Variants in CPAMD8 observed in about 807,000 individuals in gnomAD.
The protein encoded by CPAMD8 is C3 and PZP like alpha-2-macroglobulin domain containing 8.
Under a neutral mutation model 224.7 loss-of-function variants are expected in CPAMD8, and 146 were observed. The observed-to-expected ratio is 0.65, with a 90% CI of 0.57 to 0.75. The LOEUF (loss-of-function observed/expected upper bound fraction) is 0.75, where lower values mean the gene tolerates loss of function less well. Ranked by LOEUF, CPAMD8 falls within the 30% of genes least tolerant of loss-of-function variation. The probability of loss-of-function intolerance (pLI) is 0.00; values close to 1 mark genes in which losing one functional copy is unlikely to be tolerated. For missense variants in CPAMD8, 2,301 were observed against 2,537.5 expected, an observed-to-expected ratio of 0.91 and a Z score of 2.00; for synonymous variants, 966 against 1,044.6, an observed-to-expected ratio of 0.92 and a Z score of 1.45.
chr19:16,914,216 A>G (rs895941321), intron 29 of CPAMD8, among the ~76,000 whole-genome samples: 2 of 152,014 alleles, frequency 1.3e-5, no homozygotes, highest in Non-Finnish European at 2.9e-5. Context: ...ATTTCCCCCT[A>G]GTAGCATGGG....
intron 18 of CPAMD8, 40 bp from the exon 19 acceptor site, chr19:16,957,955 C>T: frequency 6.4e-7 from 1 of 1,572,846 alleles, no homozygotes; most frequent in Non-Finnish European, 8.7e-7. Flanking sequence ...GTTTCATGAA[C>T]ATAACAAATC....
chr19:16,968,486 A>G (rs2054935824), intron 18 of CPAMD8, among the ~76,000 whole-genome samples: 1 of 152,184 alleles, frequency 6.6e-6, no homozygotes, highest in Non-Finnish European at 1.5e-5. Context: ...TGGACAGGTC[A>G]TACATCAAAA....
At chr19:16,897,218 C>T (rs1384895843) in intron 39 of CPAMD8, 3 of 140,882 alleles carry the variant, frequency 2.1e-5, no homozygotes, top group South Asian at 3.8e-4. Context: ...CAGCACTAAC[C>T]ACATCCACTC....
At chr19:17,004,239 T>C in intron 8 of CPAMD8, 34 bp downstream of exon 8, 2 of 1,444,900 alleles carry the variant, frequency 1.4e-6, no homozygotes, top group Non-Finnish European at 1.9e-6. Flanking sequence ...CTCCCAGATC[T>C]GAAATCCCAA....
At chr19:16,938,331 G>A in intron 23 of CPAMD8, 64 bp downstream of exon 23, 1 of 843,064 alleles carries the variant, frequency 1.2e-6, no homozygotes, top group South Asian at 1.8e-5. Context: ...GGGAAAGGGG[G>A]AAGGCCAAAG....
intron 30 of CPAMD8, among the ~76,000 whole-genome samples, chr19:16,905,624 T>TAAAG (rs1216294997): frequency 6.9e-6 from 1 of 143,940 alleles, no homozygotes; most frequent in African/African-American, 2.6e-5. Context: ...GCATGAGGTG[T>TAAAG]AAAGACTCTC....
rs776485320 is a variant in CPAMD8 at position 17,011,573 on chromosome 19, A to C, written c.433+19T>G. The C allele has an allele frequency of 1.3e-5, 21 of 1,614,198 alleles. No individual in the cohort carries two copies. Among genetic ancestry groups the C allele is most frequent in the Non-Finnish European group, 1.7e-5 (20 of 1,180,040 alleles). ...CCAGACCATGGCCGGCCCTCCCTGC[A>C]TCCATGCTGGCCACTCACCTCGGTG... On this transcript the variant is annotated intron_variant, in intron 4 of 41. Transcript: ENST00000443236.
intron 3 of CPAMD8, among the ~76,000 whole-genome samples, chr19:17,018,401 T>C (rs2056865760): frequency 6.6e-6 from 1 of 152,184 alleles, no homozygotes; most frequent in African/African-American, 2.4e-5. Flanking sequence ...CCTAATGTAC[T>C]GCAGGTGGTT....
intron 12 of CPAMD8, among the ~76,000 whole-genome samples, chr19:16,991,855 A>G (rs1314618392): frequency 2.4e-5 from 1 of 41,566 alleles, no homozygotes; most frequent in Non-Finnish European, 5.6e-5. Flanking sequence ...ACTCTGTATC[A>G]AAAAAAAAAA....
chr19:16,941,474 G>A (rs192700340), intron 22 of CPAMD8, among the ~76,000 whole-genome samples: 1 of 152,282 alleles, frequency 6.6e-6, no homozygotes, highest in East Asian at 1.9e-4. Flanking sequence ...ATGTCCCGTG[G>A]GCAAATCCAT....
rs775471987 is a variant in CPAMD8, at chr19:16,897,869, G to A, written c.4954+20C>T. The A allele has an allele frequency of 6.3e-7, 1 of 1,594,364 alleles. No individual in the cohort carries two copies. Among genetic ancestry groups the A allele is most frequent in the South Asian group, 1.1e-5 (1 of 88,950 alleles). On this transcript the variant is annotated intron_variant, in intron 38 of 41. Transcript: ENST00000443236. ...GGTCAGGGACCGGGCCGGGCCGGGG[G>A]TGCGGGCGCGCGGGCCTACCGGGTT... is the stretch of plus-strand genomic sequence containing the variant.
chr19:16,914,519 C>T lies in CPAMD8; in HGVS notation c.3787-21G>A, dbSNP rs139249715. ...CCACCCTGCAAGGGGACTCACAGGCCTCACCCTAAGCCAAAGGAGACAGTC... is the reference window on the plus strand; with the variant it reads ...CCACCCTGCAAGGGGACTCACAGGCTTCACCCTAAGCCAAAGGAGACAGTC... On this transcript the variant is annotated intron_variant, in intron 28 of 41. Coordinates refer to ENST00000443236, the MANE Select transcript of CPAMD8 (RefSeq NM_015692.5). 4.3e-6 allele frequency: 7 copies of T among 1,613,390 alleles called. No individual in the cohort carries two copies. In the Admixed American group the frequency reaches 8.3e-5, roughly 19 times the overall value.
intron 12 of CPAMD8, among the ~76,000 whole-genome samples, chr19:16,991,010 T>TATC (rs1256967742): frequency 6.6e-6 from 1 of 151,878 alleles, no homozygotes; most frequent in East Asian, 1.9e-4. Flanking sequence ...AGCCACAGGT[T>TATC]ATCAGCCCAT....
intron 26 of CPAMD8, 100 bp from the exon 27 acceptor site, chr19:16,922,086 C>T (rs548709047): frequency 5.3e-5 from 39 of 731,044 alleles, no homozygotes; most frequent in African/African-American, 2.7e-4. Context: ...CCCGGATCTC[C>T]GAAGCCACAC....
intron 27 of CPAMD8, among the ~76,000 whole-genome samples, chr19:16,916,426 A>AT (rs2052961941): frequency 6.6e-6 from 1 of 151,856 alleles, no homozygotes; most frequent in Non-Finnish European, 1.5e-5. Context: ...ATATTTTTGT[A>AT]TTTTTAGTAG....
intron 21 of CPAMD8, among the ~76,000 whole-genome samples, chr19:16,945,989 A>T (rs12977111): frequency 0.94 from 142,937 of 151,982 alleles, 67,284 homozygotes; most frequent in African/African-American, 0.99. Context: ...GTGTACAAAT[A>T]TGTGTGTGCA....
intron 22 of CPAMD8, among the ~76,000 whole-genome samples, chr19:16,943,951 G>T (rs570887654): frequency 1.3e-5 from 2 of 152,118 alleles, no homozygotes; most frequent in Non-Finnish European, 2.9e-5. Flanking sequence ...TGAAATTCAC[G>T]TGGAGATGAT....
intron 22 of CPAMD8, 109 bp from the exon 23 acceptor site, chr19:16,938,555 A>G: frequency 1.6e-6 from 1 of 642,226 alleles, no homozygotes; most frequent in African/African-American, 1.9e-5. Flanking sequence ...CAGACCACAT[A>G]ATTGTGCTTC....
chr19:16,894,637 A>G, intron 41 of CPAMD8: 1 of 368,260 alleles, frequency 2.7e-6, no homozygotes, highest in Non-Finnish European at 5.5e-6. Flanking sequence ...CTTCCAGTGG[A>G]CCACAGTGAT....
Sources: allele counts gnomAD v4.1 joint callset (sites outside exome capture counted in the v4.1 genomes callset), GRCh38; gene constraint gnomAD v4.1.1; transcripts MANE v1.5; gene names NCBI Gene and HGNC (gene_info 2026-07-23, HGNC 2026-07-21).